ZNF30: variants seen among roughly 807,000 people sequenced by gnomAD.
ZNF30 encodes zinc finger protein 30 (KOX 28).
Under a neutral mutation model 13.2 loss-of-function variants are expected in ZNF30, and 15 were observed. The ratio of observed to expected loss-of-function variants is 1.13; its 90% CI spans 0.76 to 1.75. ZNF30 has a LOEUF of 1.75. Ranked by LOEUF, ZNF30 falls within the 40% of genes most tolerant of loss-of-function variation. The pLI is 0.00. For missense variants in ZNF30, 726 were observed against 757.0 expected (o/e 0.96, Z 0.48); for synonymous variants, 223 against 256.6 (o/e 0.87, Z 1.25).
intron 4 of ZNF30, chr19:34,942,449 A>T (rs1460949468): frequency 2.7e-6 from 1 of 363,998 alleles, no homozygotes; most frequent in East Asian, 8.8e-5. Flanking sequence ...TATCCAAAAA[A>T]AAAAAGAAAA....
intron 1 of ZNF30, among the ~76,000 whole-genome samples, chr19:34,928,220 A>AAAAATATAT (rs1555778254): frequency 5.5e-4 from 40 of 73,378 alleles, no homozygotes; most frequent in African/African-American, 1.3e-3. Flanking sequence ...AAAAAAAAAA[A>AAAAATATAT]ATATATATAT....
upstream of ZNF30, among the ~76,000 whole-genome samples, chr19:34,925,274 T>C (rs892673890): frequency 1.3e-5 from 2 of 152,242 alleles, no homozygotes; most frequent in Non-Finnish European, 1.5e-5. Flanking sequence ...AGGGCTTTCA[T>C]ATCCCGGGGT....
intron 4 of ZNF30, among the ~76,000 whole-genome samples, chr19:34,937,393 C>T (rs1329831779): frequency 6.6e-6 from 1 of 151,048 alleles, no homozygotes; most frequent in African/African-American, 2.4e-5. Flanking sequence ...AGAATTAAAA[C>T]CAGAAAGTGG....
Position 34,945,146 on chromosome 19 carries a change from TA to T in ZNF30, c.*314del, listed in dbSNP as rs1351658342. On this transcript the variant is annotated 3_prime_UTR_variant, in exon 5 of 5. Transcript: ENST00000601142. The stretch of plus-strand genomic sequence containing the variant: ...TAATGTGATTGTATGAACAAGTGAA[TA>T]AAAAACCTTGGACCTCCTAAACCAC... The T allele has an allele frequency of 3.8e-6, 1 of 261,120 alleles. No homozygotes were observed. Among genetic ancestry groups the T allele is most frequent in the Non-Finnish European group, 7.2e-6 (1 of 138,610 alleles). 16.2% of individuals were successfully genotyped at this position (261,120 alleles called of 1,614,324 possible).
chr19:34,931,671 AT>A (rs1337779753), intron 2 of ZNF30, among the ~76,000 whole-genome samples, 171 bp from the exon 3 acceptor site: 1 of 152,222 alleles, frequency 6.6e-6, no homozygotes, highest in Admixed American at 6.5e-5. Context: ...TATATAGGAC[AT>A]TTTGTCCATA....
intron 4 of ZNF30, among the ~76,000 whole-genome samples, chr19:34,937,977 G>A (rs1167092158): frequency 1.3e-5 from 2 of 152,020 alleles, no homozygotes; most frequent in Non-Finnish European, 2.9e-5. Context: ...TGTATTTTTA[G>A]TAGAGGTGGG....
chr19:34,943,677 T>C lies in ZNF30; in HGVS notation c.711T>C (p.Cys237=). Residue 237 remains cysteine (C), a synonymous_variant, in exon 5 of 5, where the codon TGT becomes TGC. Transcript: ENST00000601142. ...TGKKPYECGE[C]GKAFLVYGKL... is the part of the protein sequence containing the mutation. ...AGAAACCATATGAGTGCGGGGAATG[T>C]GGGAAAGCTTTTCTAGTATATGGAA... The C allele has an allele frequency of 6.2e-7, 1 of 1,613,524 alleles. No homozygotes were observed. The highest frequency in any genetic ancestry group is 8.5e-7 in the Non-Finnish European group (1 of 1,179,670).
chr19:34,933,828 C>T (rs1333797576), intron 4 of ZNF30, 105 bp downstream of exon 4: 2 of 773,328 alleles, frequency 2.6e-6, no homozygotes, highest in Non-Finnish European at 4.3e-6. Flanking sequence ...CCTTCAAAGC[C>T]CTAGGGCCTG....
upstream of ZNF30, among the ~76,000 whole-genome samples, chr19:34,925,103 T>A (rs986027964): frequency 1.3e-5 from 2 of 152,064 alleles, no homozygotes; most frequent in East Asian, 3.9e-4. Flanking sequence ...CAGGGGAGTA[T>A]ACAGACGGGC....
intron 4 of ZNF30, among the ~76,000 whole-genome samples, chr19:34,940,419 G>A (rs1310648349): frequency 2.0e-5 from 3 of 152,078 alleles, no homozygotes; most frequent in African/African-American, 7.2e-5. Context: ...TGTAATCCCA[G>A]CACCTTGGGA....
chr19:34,929,659 G>C (rs1172372871), intron 1 of ZNF30, among the ~76,000 whole-genome samples: 1 of 152,194 alleles, frequency 6.6e-6, no homozygotes, highest in Non-Finnish European at 1.5e-5. Context: ...TGGGGGCCTG[G>C]TGGGAAAGCT....
At chr19:34,943,138 T>A in intron 4 of ZNF30, 85 bp from the exon 5 acceptor site, 2 of 983,774 alleles carry the variant, frequency 2.0e-6, no homozygotes, top group Non-Finnish European at 2.9e-6. Flanking sequence ...TATTTCTAGT[T>A]GGTGTTATTT....
intron 1 of ZNF30, among the ~76,000 whole-genome samples, chr19:34,928,329 T>C (rs866303009): frequency 1.3e-5 from 2 of 149,888 alleles, no homozygotes; most frequent in Non-Finnish European, 3.0e-5. Flanking sequence ...ATAAAGGATG[T>C]ATAATGTTTA....
At position 34,929,877 on chromosome 19, in the gene ZNF30, T is replaced by G; in HGVS notation, c.-64-7T>G. ...AAGCCTCCTTTTCTCCTCTCTGGAT[T>G]TTCTAGCTTTTGAACTTCTCAGATA... is the stretch of plus-strand genomic sequence containing the variant. On this transcript the variant is annotated splice_polypyrimidine_tract_variant and splice_region_variant and intron_variant, in intron 1 of 4. Transcript: ENST00000601142. 1 of 1,439,640 alleles carries G rather than the reference T, an allele frequency of 6.9e-7. No individual in the cohort carries two copies. Among genetic ancestry groups the G allele is most frequent in the Non-Finnish European group, 9.5e-7 (1 of 1,054,862 alleles). 89.2% of individuals were successfully genotyped at this position (1,439,640 alleles called of 1,614,324 possible).
At chr19:34,934,550 C>G (rs1333212733) in intron 4 of ZNF30, among the ~76,000 whole-genome samples, 1 of 152,150 alleles carries the variant, frequency 6.6e-6, no homozygotes, top group South Asian at 2.1e-4. Context: ...CAGGTATGAG[C>G]CATCGTGCCT....
Position 34,931,902 on chromosome 19 carries a change from C to T in ZNF30, c.69C>T (p.Phe23=), listed in dbSNP as rs764919747. Residue 23 remains phenylalanine, a synonymous_variant, in exon 3 of 5, where the codon TTC becomes TTT. Transcript: ENST00000601142. ...SVTFEDVAIA[F]SQQEWESLDS... Reference sequence around the variant, plus strand: ...CATTTGAGGATGTGGCCATAGCCTTCTCCCAGCAGGAGTGGGAGAGTCTGG... The same window carrying T: ...CATTTGAGGATGTGGCCATAGCCTTTTCCCAGCAGGAGTGGGAGAGTCTGG... 6 of 1,613,624 alleles carry T rather than the reference C, an allele frequency of 3.7e-6. No homozygotes were observed. The highest frequency in any genetic ancestry group is 5.1e-6 in the Non-Finnish European group (6 of 1,179,834).
intron 4 of ZNF30, among the ~76,000 whole-genome samples, chr19:34,939,033 T>C (rs2012886727): frequency 6.6e-6 from 1 of 151,942 alleles, no homozygotes; most frequent in Non-Finnish European, 1.5e-5. Context: ...AAAGAGATTC[T>C]ACATTTAGGG....
At chr19:34,928,310 T>G (rs1431788358) in intron 1 of ZNF30, among the ~76,000 whole-genome samples, 1 of 147,578 alleles carries the variant, frequency 6.8e-6, no homozygotes, top group Non-Finnish European at 1.5e-5. Flanking sequence ...AGTGTTTAAT[T>G]AAAATGAAAT....
intron 4 of ZNF30, among the ~76,000 whole-genome samples, chr19:34,938,029 C>T (rs2012834318): frequency 1.3e-5 from 2 of 152,174 alleles, no homozygotes; most frequent in South Asian, 4.1e-4. Flanking sequence ...CTTCTGACTT[C>T]AGGTGATCCA....
Sources: gnomAD v4.1 joint callset for allele counts (sites outside exome capture counted in the v4.1 genomes callset) on GRCh38, gnomAD v4.1.1 for gene constraint, MANE v1.5 for transcripts, NCBI Gene and HGNC (gene_info 2026-07-23, HGNC 2026-07-21) for gene names.